The following GFER variants were observed in gnomAD, a reference collection of about 807,000 sequenced individuals.
GFER encodes the protein FAD-linked sulfhydryl oxidase ALR.
GFER carries 24 observed loss-of-function variants against 18.2 expected under a neutral mutation model. The ratio of observed to expected loss-of-function variants is 1.32; its 90% confidence interval spans 0.96 to 1.86. The LOEUF is 1.86. Among genes scored for constraint, GFER ranks in the 40% most tolerant of loss-of-function variants. The pLI is 0.00. For synonymous variants in GFER, 138 were observed against 126.9 expected, an observed-to-expected ratio of 1.09 and a Z score of -0.59; for missense variants, 316 against 295.6, an observed-to-expected ratio of 1.07 and a Z score of -0.51.
rs36041021 is a variant in GFER at position 1,985,906 on chromosome 16, T to C, written c.496T>C (p.Phe166Leu). ...CCCAGACACCCGCACCCGGGCATGC[T>C]TCACACAGTGGCTGTGCCACCTGCA... ...NHPDTRTRAC[F>L]TQWLCHLHNE... The change falls in exon 3 of 3, where the codon TTC becomes CTC. Residue 166 changes from phenylalanine (F) to leucine (L), a missense_variant. Transcript: ENST00000248114. 0.079 allele frequency: 127,240 copies of C among 1,612,780 alleles called. 5,805 individuals carry two copies. Among genetic ancestry groups the C allele is most frequent in the Non-Finnish European group, 0.089 (104,860 of 1,179,824 alleles).
chr16:1,984,758 G>C lies in GFER; in HGVS notation c.270G>C (p.Lys90Asn), dbSNP rs863224024. The C allele has an allele frequency of 8.1e-6, 13 of 1,609,254 alleles. No homozygotes were observed. Among genetic ancestry groups the C allele is most frequent in the Non-Finnish European group, 1.1e-5 (13 of 1,179,944 alleles). The change falls in exon 2 of 3, where the codon AAG (lysine) becomes AAC (asparagine). Residue 90 changes from lysine (K) to asparagine (N), a missense_variant. By Grantham distance (94) the Lys-to-Asn change is moderately conservative. Transcript: ENST00000248114. ...WMRTQQKRDT[K>N]FREDCPPDRE... is the part of the protein sequence containing the mutation. ...GCCTGCTTCCGCAGCGGGACACCAA[G>C]TTTAGGGAGGACTGCCCGCCGGATC...
rs528813454 is a variant in GFER, at chr16:1,984,887, A to G, written c.399A>G (p.Ile133Met). The change falls in exon 2 of 3, where the codon ATA becomes ATG. Residue 133 changes from isoleucine (I) to methionine (M), a missense_variant. Transcript: ENST00000248114. ...AGCAGCAAGACATGGCCCAGTTCAT[A>G]CATTTATTTTCTAAGTTTTACCCCT... ...PEQQQDMAQF[I>M]HLFSKFYPCE... 3 of 1,613,830 alleles carry G rather than the reference A, an allele frequency of 1.9e-6. No individual in the cohort carries two copies. Among genetic ancestry groups the G allele is most frequent in the South Asian group, 1.1e-5 (1 of 91,090 alleles).
Position 1,987,664 on chromosome 16 carries a change from GCCCCCCTGC to G in GFER, c.*1643_*1651del, listed in dbSNP as rs2083574351. 7.4e-6 allele frequency: 1 copy of G among 134,338 alleles called. No homozygotes were observed. Among genetic ancestry groups the G allele is most frequent in the Non-Finnish European group, 1.6e-5 (1 of 61,080 alleles). 8.3% of individuals were successfully genotyped at this position (134,338 alleles called of 1,614,324 possible). A position where few individuals can be genotyped will look rare whatever the true frequency, so the allele number is the denominator to read the frequency against. ...CGCCTGTATCTGCTGTCCCTCCCCT[GCCCCCCTGC>G]CCCCCCCACCGCCTTCCCTTTTTCC... On this transcript the variant is annotated 3_prime_UTR_variant, in exon 3 of 3. Coordinates refer to ENST00000248114, the MANE Select transcript of GFER (RefSeq NM_005262.3).
In GFER at chr16:1,984,386, C is replaced by G. The variant is rs758150888; in HGVS notation, c.168C>G (p.Thr56=). ...ASASTPAQAP[T]SDSPVAEDAS... ...CCTCGACGCCAGCCCAGGCGCCGAC[C>G]TCCGATTCTCCTGTCGCCGAGGACG... is the stretch of plus-strand genomic sequence containing the variant. The change falls in exon 1 of 3, where the codon ACC becomes ACG. Residue 56 remains threonine, a synonymous_variant. Coordinates refer to ENST00000248114, the MANE Select transcript of GFER (RefSeq NM_005262.3). The G allele has an allele frequency of 6.5e-7, 1 of 1,534,438 alleles. No homozygotes were observed. The highest frequency in any genetic ancestry group is 8.7e-7 in the Non-Finnish European group (1 of 1,144,772).
chr16:1,984,481 A>C lies in GFER; in HGVS notation c.258+5A>C. On this transcript the variant is annotated splice_donor_5th_base_variant and intron_variant, in intron 1 of 2. Coordinates refer to ENST00000248114, the MANE Select transcript of GFER (RefSeq NM_005262.3). ...TGGATGCGGACGCAGCAGAAGGTGC[A>C]GTTCCCTGCCCGATTTCTCCCAGCC... 1.3e-6 allele frequency: 2 copies of C among 1,557,634 alleles called. No individual in the cohort carries two copies. The highest frequency in any genetic ancestry group is 1.7e-6 in the Non-Finnish European group (2 of 1,155,916).
Position 1,986,057 on chromosome 16 carries a change from G to A in GFER, c.*29G>A. Reference sequence around the variant, plus strand: ...GTGGTCAGCCAGAGCTCATGGGACAGCTAGCCAGGCATGGTTGGATAGGGG... The same window carrying A: ...GTGGTCAGCCAGAGCTCATGGGACAACTAGCCAGGCATGGTTGGATAGGGG... On this transcript the variant is annotated 3_prime_UTR_variant, in exon 3 of 3. Transcript: ENST00000248114. 1 of 1,608,386 alleles carries A rather than the reference G, an allele frequency of 6.2e-7. No individual in the cohort carries two copies. The highest frequency in any genetic ancestry group is 8.5e-7 in the Non-Finnish European group (1 of 1,177,660).
chr16:1,984,801 C>T lies in GFER; in HGVS notation c.313C>T (p.His105Tyr), dbSNP rs1272884614. 6.2e-7 allele frequency: 1 copy of T among 1,612,878 alleles called. No homozygotes were observed. The highest frequency in any genetic ancestry group is 1.3e-5 in the African/African-American group (1 of 74,954). ...GCCGGATCGCGAGGAACTGGGCCGC[C>T]ACAGCTGGGCTGTCCTCCACACCCT... Reference protein sequence around the residue: ...CPPDREELGRHSWAVLHTLAA... With the variant: ...CPPDREELGRYSWAVLHTLAA... The change falls in exon 2 of 3, where the codon CAC (histidine) becomes TAC (tyrosine). Residue 105 changes from histidine (H) to tyrosine (Y), a missense_variant. Coordinates refer to ENST00000248114, the MANE Select transcript of GFER (RefSeq NM_005262.3).
At position 1,984,262 on chromosome 16, in the gene GFER, T is replaced by C; in HGVS notation, c.44T>C (p.Leu15Pro). 2 of 1,479,020 alleles carry C rather than the reference T, an allele frequency of 1.4e-6. No homozygotes were observed. The highest frequency in any genetic ancestry group is 1.8e-6 in the Non-Finnish European group (2 of 1,122,068). 91.6% of individuals were successfully genotyped at this position (1,479,020 alleles called of 1,614,324 possible). A position where few individuals can be genotyped will look rare whatever the true frequency, so the allele number is the denominator to read the frequency against. ...GERGRFHGGN[L>P]FFLPGGARSE... ...CGGGGCCGCTTCCACGGCGGGAACC[T>C]CTTCTTCCTGCCGGGGGGCGCGCGC... Residue 15 changes from leucine (L) to proline (P), a missense_variant, in exon 1 of 3, where the codon CTC becomes CCC. Transcript: ENST00000248114.
rs563527259 is a variant in GFER, at chr16:1,986,449, T to G, written c.*421T>G. 8.1e-3 allele frequency: 2,804 copies of G among 347,390 alleles called. 19 individuals carry two copies. The highest frequency in any genetic ancestry group is 0.017 in the Admixed American group (426 of 25,398). The allele number at this position is 347,390 out of a possible 1,614,324, so 21.5% of individuals were successfully genotyped here. On this transcript the variant is annotated 3_prime_UTR_variant, in exon 3 of 3. Coordinates refer to ENST00000248114, the MANE Select transcript of GFER (RefSeq NM_005262.3). ...CCCACTATGCAGCCAGGGATGCCCC[T>G]GCCCCCCATGGCTCTGTGCTGCTCA...
rs778160972 is a variant in GFER at position 1,984,961 on chromosome 16, G to A, written c.455+18G>A. On this transcript the variant is annotated intron_variant, in intron 2 of 2. Transcript: ENST00000248114. ...AGAAAAAGGTAAGATGTGTTTGCAC[G>A]CAGCAGAGCTTTGCACTGGAGCCTG... 1 of 1,586,354 alleles carries A rather than the reference G, an allele frequency of 6.3e-7. No homozygotes were observed. The highest frequency in any genetic ancestry group is 8.7e-7 in the Non-Finnish European group (1 of 1,155,642).
rs201675904 is a variant in GFER at position 1,984,462 on chromosome 16, C to T, written c.244C>T (p.Arg82Trp). The T allele has an allele frequency of 9.0e-6, 14 of 1,557,924 alleles. No individual in the cohort carries two copies. Among genetic ancestry groups the T allele is most frequent in the African/African-American group, 1.4e-5 (1 of 73,794 alleles). ...RACVDFKTWM[R>W]TQQKRDTKFR... ...CTGCGTCGACTTCAAGACGTGGATG[C>T]GGACGCAGCAGAAGGTGCAGTTCCC... The change falls in exon 1 of 3, where the codon CGG (arginine) becomes TGG (tryptophan). Residue 82 changes from arginine (R) to tryptophan (W), a missense_variant. Transcript: ENST00000248114.
chr16:1,984,731 C>T lies in GFER; in HGVS notation c.259-16C>T, dbSNP rs776799405. Reference sequence around the variant, plus strand: ...TTCGGAGAATGAACTCACTCTCGGTCGGCCTGCTTCCGCAGCGGGACACCA... The same window carrying T: ...TTCGGAGAATGAACTCACTCTCGGTTGGCCTGCTTCCGCAGCGGGACACCA... On this transcript the variant is annotated splice_polypyrimidine_tract_variant and intron_variant, in intron 1 of 2. Coordinates refer to ENST00000248114, the MANE Select transcript of GFER (RefSeq NM_005262.3). The T allele has an allele frequency of 1.4e-5, 22 of 1,601,656 alleles. No individual in the cohort carries two copies. Among genetic ancestry groups the T allele is most frequent in the Middle Eastern group, 1.6e-4 (1 of 6,076 alleles).
chr16:1,986,496 A>C lies in GFER; in HGVS notation c.*468A>C. 7.3e-6 allele frequency: 2 copies of C among 275,594 alleles called. No homozygotes were observed. Among genetic ancestry groups the C allele is most frequent in the Non-Finnish European group, 7.2e-6 (1 of 138,694 alleles). 17.1% of individuals were successfully genotyped at this position (275,594 alleles called of 1,614,324 possible). On this transcript the variant is annotated 3_prime_UTR_variant, in exon 3 of 3. Coordinates refer to ENST00000248114, the MANE Select transcript of GFER (RefSeq NM_005262.3). ...CTCACTTTAGGGGGCTCAATTCTCCACTCTGCTCAGTCCCTACAGGGAAAG... is the reference window on the plus strand; with the variant it reads ...CTCACTTTAGGGGGCTCAATTCTCCCCTCTGCTCAGTCCCTACAGGGAAAG...
chr16:1,984,592 A>T, intron 1 of GFER, 116 bp downstream of exon 1: 1 of 1,391,140 alleles, frequency 7.2e-7, no homozygotes, highest in African/African-American at 1.4e-5. Flanking sequence ...CCCCCCGGGT[A>T]GGCCCGGCCT....
Position 1,986,939 on chromosome 16 carries a change from C to G in GFER, c.*911C>G, listed in dbSNP as rs1597064653. ...AAAGCCATGGCTTCTACCCCTAGTT[C>G]CCCTGACAGGAAGTTCTTGGCGGGT... On this transcript the variant is annotated 3_prime_UTR_variant, in exon 3 of 3. Coordinates refer to ENST00000248114, the MANE Select transcript of GFER (RefSeq NM_005262.3). The G allele has an allele frequency of 2.0e-5, 3 of 152,292 alleles. No individual in the cohort carries two copies. Among genetic ancestry groups the G allele is most frequent in the African/African-American group, 7.2e-5 (3 of 41,390 alleles). The allele number at this position is 152,292 out of a possible 1,614,324, so 9.4% of individuals were successfully genotyped here.
At chr16:1,985,833 T>C in intron 2 of GFER, 33 bp from the exon 3 acceptor site, 1 of 1,600,510 alleles carries the variant, frequency 6.2e-7, no homozygotes, top group Non-Finnish European at 8.5e-7. Context: ...AGCCGCTGCG[T>C]CCTCTCATTC....
chr16:1,984,303 G>A lies in GFER; in HGVS notation c.85G>A (p.Asp29Asn), dbSNP rs2083548424. 4 of 1,481,098 alleles carry A rather than the reference G, an allele frequency of 2.7e-6. No homozygotes were observed. The highest frequency in any genetic ancestry group is 2.8e-5 in the East Asian group (1 of 35,976). 91.7% of individuals were successfully genotyped at this position (1,481,098 alleles called of 1,614,324 possible). Residue 29 changes from aspartate to asparagine, a missense_variant, in exon 1 of 3, where the codon GAC becomes AAC. Asp to Asn is a conservative substitution (Grantham distance 23). Transcript: ENST00000248114. ...PGGARSEMMD[D>N]LATDARGRGA... is the part of the protein sequence containing the mutation. ...GGGCGCGCGCTCCGAGATGATGGAC[G>A]ACCTGGCGACCGACGCGCGGGGCCG...
rs891725532 is a variant in GFER, at chr16:1,984,224, G to A, written c.6G>A (p.Ala2=). 2 of 1,473,326 alleles carry A rather than the reference G, an allele frequency of 1.4e-6. No individual in the cohort carries two copies. The highest frequency in any genetic ancestry group is 1.5e-5 in the African/African-American group (1 of 67,982). 91.3% of individuals were successfully genotyped at this position (1,473,326 alleles called of 1,614,324 possible). Residue 2 remains alanine (A), a synonymous_variant, in exon 1 of 3, where the codon GCG becomes GCA. Transcript: ENST00000248114. M[A]APGERGRFHG... The stretch of plus-strand genomic sequence containing the variant: ...GCAGGCCTTGCGCGGGCAACATGGC[G>A]GCGCCCGGCGAGCGGGGCCGCTTCC...
At position 1,986,400 on chromosome 16, in the gene GFER, C is replaced by T. The variant is rs1467062426; in HGVS notation, c.*372C>T. On this transcript the variant is annotated 3_prime_UTR_variant, in exon 3 of 3. Transcript: ENST00000248114. Reference sequence around the variant, plus strand: ...CCTGGCTGGGCATCCCTGTGCCTGTCCCTGGCGGCCAGGCCATTGCCTTCC... The same window carrying T: ...CCTGGCTGGGCATCCCTGTGCCTGTTCCTGGCGGCCAGGCCATTGCCTTCC... 2.8e-6 allele frequency: 1 copy of T among 360,338 alleles called. No homozygotes were observed. The highest frequency in any genetic ancestry group is 3.8e-5 in the Admixed American group (1 of 26,304). The allele number at this position is 360,338 out of a possible 1,614,324, so 22.3% of individuals were successfully genotyped here.
Sources: allele counts gnomAD v4.1 joint callset, GRCh38; gene constraint gnomAD v4.1.1; transcripts MANE v1.5; gene names NCBI Gene and HGNC (gene_info 2026-07-23, HGNC 2026-07-21).